Variants in ANKRD36C observed in about 807,000 individuals in gnomAD.
ANKRD36C encodes ankyrin repeat domain-containing protein 36C.
In ANKRD36C, 61 loss-of-function variants were observed where a neutral mutation model predicts 276.4. The ratio of observed to expected loss-of-function variants is 0.22; its 90% CI spans 0.18 to 0.27. ANKRD36C has a LOEUF of 0.27. Among genes scored for constraint, ANKRD36C ranks in the 10% least tolerant of loss-of-function variants. ANKRD36C has a pLI of 1.00. For synonymous variants in ANKRD36C, 483 were observed against 680.1 expected (o/e 0.71, Z 4.51); for missense variants, 1,447 against 2,032.3 (o/e 0.71, Z 5.54).
chr2:95,937,410 C>T (rs1229900264), intron 22 of ANKRD36C, among the ~76,000 whole-genome samples: 2 of 152,282 alleles, frequency 1.3e-5, no homozygotes, highest in African/African-American at 2.4e-5. Context: ...GATCAGAGTG[C>T]CATGGACAAA....
chr2:95,890,579 T>C (rs1039578629), intron 46 of ANKRD36C, among the ~76,000 whole-genome samples: 1 of 151,554 alleles, frequency 6.6e-6, no homozygotes, highest in Non-Finnish European at 1.5e-5. Flanking sequence ...ACCCATGTGG[T>C]GTAATAATTT....
Position 95,853,876 on chromosome 2 carries a change from T to A in ANKRD36C, c.4996-15A>T. 6.2e-7 allele frequency: 1 copy of A among 1,600,368 alleles called. No homozygotes were observed. The highest frequency in any genetic ancestry group is 1.1e-5 in the South Asian group (1 of 88,848). On this transcript the variant is annotated splice_polypyrimidine_tract_variant and intron_variant, in intron 63 of 66. Coordinates refer to ENST00000456556, the Ensembl canonical transcript of ANKRD36C. ...CTCACAGCTACCTGATAAGATGTTA[T>A]TTTTGTTACTGATTTTACAAATCAC...
At chr2:95,873,467 AC>A (rs1426372492) in intron 59 of ANKRD36C, among the ~76,000 whole-genome samples, 2 of 152,134 alleles carry the variant, frequency 1.3e-5, no homozygotes, top group Non-Finnish European at 2.9e-5. Context: ...AAATTCAACA[AC>A]CCTTCATGCT....
intron 61 of ANKRD36C, among the ~76,000 whole-genome samples, chr2:95,858,303 T>C (rs62156912): frequency 6.6e-6 from 1 of 152,328 alleles, no homozygotes; most frequent in East Asian, 1.9e-4. Context: ...AACATTCGTA[T>C]GTTGGTTTAT....
At position 95,893,683 on chromosome 2, in the gene ANKRD36C, A is replaced by G; in HGVS notation, c.2756-1823T>C. The G allele has an allele frequency of 6.2e-7, 1 of 1,604,488 alleles. No homozygotes were observed. Among genetic ancestry groups the G allele is most frequent in the Non-Finnish European group, 8.5e-7 (1 of 1,176,282 alleles). Reference sequence around the variant, plus strand: ...CATTAACTCGTTCACAATATAAATGAGAGTTTCATTACCTTCAAGGCTGGT... The same window carrying G: ...CATTAACTCGTTCACAATATAAATGGGAGTTTCATTACCTTCAAGGCTGGT... On this transcript the variant is annotated intron_variant, in intron 44 of 66. Transcript: ENST00000456556.
intron 47 of ANKRD36C, 37 bp downstream of exon 67, chr2:95,889,929 A>T (rs772884934): frequency 1.3e-4 from 204 of 1,609,406 alleles, no homozygotes; most frequent in Non-Finnish European, 1.6e-4. Flanking sequence ...TAGACTATAC[A>T]GTTAATAGTT....
At chr2:95,911,807 A>T (rs956363224) in intron 42 of ANKRD36C, among the ~76,000 whole-genome samples, 2 of 151,430 alleles carry the variant, frequency 1.3e-5, no homozygotes, top group Non-Finnish European at 3.0e-5. Context: ...TTCGGAAATT[A>T]ATTGCTACAT....
chr2:95,927,942 C>T (rs1327734284), intron 26 of ANKRD36C, among the ~76,000 whole-genome samples: 1 of 151,594 alleles, frequency 6.6e-6, no homozygotes, highest in Non-Finnish European at 1.5e-5. Context: ...ATATATGTTT[C>T]CTGAAATCTA....
At chr2:95,967,557 A>C (rs1678617614) in intron 6 of ANKRD36C, among the ~76,000 whole-genome samples, 1 of 152,166 alleles carries the variant, frequency 6.6e-6, no homozygotes, top group African/African-American at 2.4e-5. Flanking sequence ...CAATTAGTTC[A>C]ACCATTGTGG....
At chr2:95,946,156 G>GAAAAAAAAAAAAAAAAAA (rs56964568) in intron 17 of ANKRD36C, among the ~76,000 whole-genome samples, 17 of 73,296 alleles carry the variant, frequency 2.3e-4, no homozygotes, top group South Asian at 1.5e-3. Context: ...ACAGAGAGAG[G>GAAAAAAAAAAAAAAAAAA]AAAAAAAAAA....
chr2:95,879,619 A>G (rs879391249), intron 58 of ANKRD36C, among the ~76,000 whole-genome samples: 1 of 152,154 alleles, frequency 6.6e-6, no homozygotes, highest in African/African-American at 2.4e-5. Flanking sequence ...ATAAAGAAAC[A>G]CACACAGTGT....
chr2:95,876,035 A>C, intron 59 of ANKRD36C: 1 of 413,542 alleles, frequency 2.4e-6, no homozygotes, highest in Non-Finnish European at 4.8e-6. Flanking sequence ...GGCAATAAAA[A>C]AACTGCAAAG....
Position 95,857,306 on chromosome 2 carries a change from T to A in ANKRD36C, c.4080+3A>T, listed in dbSNP as rs1675437506. The A allele has an allele frequency of 6.3e-7, 1 of 1,580,030 alleles. No homozygotes were observed. The highest frequency in any genetic ancestry group is 2.2e-5 in the East Asian group (1 of 44,724). ...TATGAAGTTTTACCAAACATTAATT[T>A]ACCTGATTTGAATTATTTCCTCCTG... On this transcript the variant is annotated splice_donor_region_variant and intron_variant, in intron 62 of 66. Coordinates refer to ENST00000456556, the Ensembl canonical transcript of ANKRD36C.
intron 3 of ANKRD36C, among the ~76,000 whole-genome samples, chr2:95,985,669 C>A (rs1165777112): frequency 1.3e-5 from 2 of 152,182 alleles, no homozygotes; most frequent in Non-Finnish European, 2.9e-5. Context: ...TAACTGCGAA[C>A]CAGCACAGTT....
At position 95,919,388 on chromosome 2, in the gene ANKRD36C, G is replaced by A. The variant is rs112265163; in HGVS notation, c.2246-1346C>T. ...GTACGATGTGACGTCTGTAAAATCT[G>A]TACTTCCTCTCTTTCTCCTTCCACC... is the stretch of plus-strand genomic sequence containing the variant. On this transcript the variant is annotated intron_variant, in intron 34 of 66. Coordinates refer to ENST00000456556, the Ensembl canonical transcript of ANKRD36C. Among the ~76,000 whole-genome samples, 118 of 133,094 alleles carry A rather than the reference G, an allele frequency of 8.9e-4. 27 individuals are homozygous for A. The highest frequency in any genetic ancestry group is 6.3e-3 in the East Asian group (23 of 3,672). The allele number at this position is 133,094 out of a possible 152,430, so 87.3% of individuals were successfully genotyped here.
chr2:95,849,958 G>A (rs1675254545), downstream of ANKRD36C, among the ~76,000 whole-genome samples: 1 of 152,140 alleles, frequency 6.6e-6, no homozygotes, highest in African/African-American at 2.4e-5. Context: ...CCTGGGGGTT[G>A]GGGACCCCTG....
chr2:95,944,680 C>G (rs1343193052), exon 19 of ANKRD36C: 15 of 1,537,042 alleles, frequency 9.8e-6, no homozygotes, highest in Non-Finnish European at 1.2e-5. Context: ...TTGTCAATGC[C>G]ACATGCAGCA....
At chr2:95,909,639 G>A (rs1027758048) in intron 42 of ANKRD36C, among the ~76,000 whole-genome samples, 1 of 139,474 alleles carries the variant, frequency 7.2e-6, no homozygotes, top group Non-Finnish European at 1.6e-5. Flanking sequence ...GGAAGCCAAT[G>A]TATTCAGATT....
chr2:95,887,897 T>A (rs1182731938), intron 50 of ANKRD36C, 28 bp downstream of exon 70: 4 of 1,560,866 alleles, frequency 2.6e-6, no homozygotes, highest in Non-Finnish European at 3.5e-6. Flanking sequence ...GGACTGAACA[T>A]GACATTAAAT....
Sources: gnomAD v4.1 joint callset for allele counts (sites outside exome capture counted in the v4.1 genomes callset) on GRCh38, gnomAD v4.1.1 for gene constraint, MANE v1.5 for transcripts, NCBI Gene and HGNC (gene_info 2026-07-23, HGNC 2026-07-21) for gene names.